PCDH7: variants seen among roughly 807,000 people sequenced by gnomAD.
PCDH7 encodes protocadherin 7, also known as protocadherin-7.
A neutral mutation model predicts 58.9 loss-of-function variants in PCDH7; 17 were observed. The observed-to-expected ratio is 0.29, with a 90% CI of 0.20 to 0.43. PCDH7 has a LOEUF of 0.43. PCDH7 is among the 20% of genes least tolerant of loss of function. The pLI is 1.00. For missense variants in PCDH7, 1,274 were observed against 1,441.0 expected (o/e 0.88, Z 1.88); for synonymous variants, 664 against 616.4 (o/e 1.08, Z -1.14).
At chr4:31,090,476 C>T (rs1056451385) in intron 3 of PCDH7, among the ~76,000 whole-genome samples, 4 of 152,034 alleles carry the variant, frequency 2.6e-5, no homozygotes, top group Non-Finnish European at 5.9e-5. Context: ...TGACTATAGT[C>T]ACCCTGTTGT....
chr4:30,915,885 C>A (rs543427763), intron 1 of PCDH7, among the ~76,000 whole-genome samples: 1 of 152,256 alleles, frequency 6.6e-6, no homozygotes, highest in Admixed American at 6.5e-5. Context: ...ATAATCAACT[C>A]CCAAATATGT....
At chr4:30,890,902 G>A (rs1397742037) in intron 1 of PCDH7, among the ~76,000 whole-genome samples, 3 of 152,030 alleles carry the variant, frequency 2.0e-5, no homozygotes, top group Non-Finnish European at 2.9e-5. Flanking sequence ...AGTTATTGTA[G>A]CAATCCAGTT....
chr4:31,120,249 C>T (rs557773333), intron 3 of PCDH7, among the ~76,000 whole-genome samples: 2 of 151,898 alleles, frequency 1.3e-5, no homozygotes, highest in African/African-American at 4.8e-5. Flanking sequence ...TCTTACTTCC[C>T]TTATACATCT....
intron 2 of PCDH7, among the ~76,000 whole-genome samples, chr4:30,930,486 G>C (rs983416346): frequency 6.6e-6 from 1 of 152,168 alleles, no homozygotes; most frequent in Non-Finnish European, 1.5e-5. Context: ...CAGAACACTG[G>C]TAATGCTGAA....
intron 1 of PCDH7, among the ~76,000 whole-genome samples, chr4:30,808,609 G>A (rs1041274020): frequency 6.6e-6 from 1 of 151,396 alleles, no homozygotes; most frequent in Non-Finnish European, 1.5e-5. Flanking sequence ...ACTTTTTTTT[G>A]TGGGGAAAAA....
chr4:31,079,675 A>G (rs938312193), intron 3 of PCDH7, among the ~76,000 whole-genome samples: 1 of 152,002 alleles, frequency 6.6e-6, no homozygotes. Flanking sequence ...ACATCCCATA[A>G]CACATTAATT....
chr4:30,833,107 G>GAT (rs1321715906), intron 1 of PCDH7, among the ~76,000 whole-genome samples: 2 of 152,086 alleles, frequency 1.3e-5, no homozygotes, highest in Non-Finnish European at 2.9e-5. Flanking sequence ...TTTGGAATGT[G>GAT]TTTTTGTGTG....
intron 1 of PCDH7, among the ~76,000 whole-genome samples, chr4:30,833,124 T>G (rs955747224): frequency 6.6e-6 from 1 of 152,212 alleles, no homozygotes; most frequent in Non-Finnish European, 1.5e-5. Context: ...TGTGTGTGCA[T>G]GCATGTGGGT....
intron 1 of PCDH7, among the ~76,000 whole-genome samples, chr4:30,859,424 C>T (rs1733904418): frequency 6.6e-6 from 1 of 151,700 alleles, no homozygotes; most frequent in Non-Finnish European, 1.5e-5. Context: ...TCAGAGAAAG[C>T]TCTAATTCTT....
At chr4:30,951,087 A>G (rs1203632289) in intron 3 of PCDH7, among the ~76,000 whole-genome samples, 1 of 152,200 alleles carries the variant, frequency 6.6e-6, no homozygotes, top group African/African-American at 2.4e-5. Context: ...ACACATGACT[A>G]AAATGCTACC....
At chr4:30,952,295 A>T (rs550645753) in intron 3 of PCDH7, among the ~76,000 whole-genome samples, 20 of 152,272 alleles carry the variant, frequency 1.3e-4, no homozygotes, top group African/African-American at 4.8e-4. Context: ...AGAAAGAAGA[A>T]AATTTAACCA....
At chr4:31,089,007 T>G (rs893481091) in intron 3 of PCDH7, among the ~76,000 whole-genome samples, 7 of 152,072 alleles carry the variant, frequency 4.6e-5, no homozygotes, top group Non-Finnish European at 8.8e-5. Flanking sequence ...ATATGGTGTG[T>G]TTGCACTACA....
intron 1 of PCDH7, among the ~76,000 whole-genome samples, chr4:30,881,906 T>A (rs1031453482): frequency 6.6e-6 from 1 of 152,188 alleles, no homozygotes; most frequent in African/African-American, 2.4e-5. Context: ...AAAGCTGAGA[T>A]ATAAATGTGG....
intron 3 of PCDH7, among the ~76,000 whole-genome samples, chr4:31,032,652 G>T (rs189859746): frequency 1.0e-5 from 1 of 96,822 alleles, no homozygotes; most frequent in African/African-American, 4.4e-5. Context: ...GACAGAGAGA[G>T]AGAGAGGAAG....
chr4:30,994,759 G>A (rs948137993), intron 3 of PCDH7, among the ~76,000 whole-genome samples: 2 of 151,998 alleles, frequency 1.3e-5, no homozygotes, highest in Non-Finnish European at 2.9e-5. Context: ...TATTAAAAAA[G>A]ATACAATATT....
At chr4:31,111,347 G>T (rs1463589344) in intron 3 of PCDH7, among the ~76,000 whole-genome samples, 1 of 145,716 alleles carries the variant, frequency 6.9e-6, no homozygotes, top group Non-Finnish European at 1.5e-5. Context: ...TCGCTCTGTC[G>T]CTCGGGCTAG....
chr4:30,781,592 A>C (rs1722799428), intron 1 of PCDH7, among the ~76,000 whole-genome samples: 1 of 148,346 alleles, frequency 6.7e-6, no homozygotes, highest in South Asian at 2.1e-4. Context: ...GCTGGAGTGC[A>C]ATGGTGTGAT....
At chr4:30,869,350 A>C (rs940808658) in intron 1 of PCDH7, among the ~76,000 whole-genome samples, 32 of 152,100 alleles carry the variant, frequency 2.1e-4, no homozygotes. Flanking sequence ...TTTGTTACAT[A>C]GGTATACACG....
At chr4:30,939,828 A>G (rs1441433646) in intron 2 of PCDH7, among the ~76,000 whole-genome samples, 1 of 152,112 alleles carries the variant, frequency 6.6e-6, no homozygotes, top group Non-Finnish European at 1.5e-5. Flanking sequence ...ACGAGTCTAA[A>G]TTTGATGTAG....
Sources: allele counts gnomAD v4.1 joint callset (sites outside exome capture counted in the v4.1 genomes callset), GRCh38; gene constraint gnomAD v4.1.1; transcripts MANE v1.5; gene names NCBI Gene and HGNC (gene_info 2026-07-23, HGNC 2026-07-21).